FANCL: variants seen among roughly 807,000 people sequenced by gnomAD.
FANCL encodes the protein FA complementation group L.
Under a neutral mutation model 59.4 loss-of-function variants are expected in FANCL, and 69 were observed. The ratio of observed to expected loss-of-function variants is 1.16; its 90% CI spans 0.96 to 1.42. The LOEUF is 1.42. Ranked by LOEUF, FANCL falls within the 40% of genes most tolerant of loss-of-function variation. The pLI is 0.00. For missense variants in FANCL, 519 were observed against 447.2 expected (o/e 1.16, Z -1.45); for synonymous variants, 180 against 147.1 (o/e 1.22, Z -1.62).
chr2:58,211,057 G>A (rs371054266), intron 5 of FANCL, among the ~76,000 whole-genome samples: 2 of 152,272 alleles, frequency 1.3e-5, no homozygotes, highest in Non-Finnish European at 2.9e-5. Context: ...TACACTAGGC[G>A]GTGCCTCAGT....
chr2:58,226,894 C>G, intron 3 of FANCL, 110 bp from the exon 4 acceptor site: 2 of 858,534 alleles, frequency 2.3e-6, no homozygotes, highest in Non-Finnish European at 3.8e-6. Flanking sequence ...TTAGCTATAT[C>G]TACATCTGAA....
chr2:58,232,459 T>C (rs1693674996), intron 1 of FANCL, among the ~76,000 whole-genome samples: 1 of 151,798 alleles, frequency 6.6e-6, no homozygotes, highest in African/African-American at 2.4e-5. Flanking sequence ...AATAAATTTA[T>C]GAAAAAAGAA....
intron 5 of FANCL, among the ~76,000 whole-genome samples, chr2:58,212,573 A>G (rs909268999): frequency 1.3e-5 from 2 of 152,248 alleles, no homozygotes; most frequent in Non-Finnish European, 1.5e-5. Flanking sequence ...AAGCAAAAGT[A>G]TTTGGTACTT....
chr2:58,234,958 G>A (rs1693878614), intron 1 of FANCL, among the ~76,000 whole-genome samples: 1 of 151,934 alleles, frequency 6.6e-6, no homozygotes. Flanking sequence ...AGGCAGCGAG[G>A]ACAGTGATCC....
At chr2:58,180,263 A>T (rs909832189) in intron 7 of FANCL, among the ~76,000 whole-genome samples, 4 of 152,202 alleles carry the variant, frequency 2.6e-5, no homozygotes, top group African/African-American at 7.2e-5. Context: ...CTATAAAGAC[A>T]TGCATACATA....
chr2:58,233,639 A>G (rs1176256330), intron 1 of FANCL, among the ~76,000 whole-genome samples: 3 of 152,218 alleles, frequency 2.0e-5, no homozygotes, highest in Admixed American at 6.5e-5. Context: ...ACTTTCCAAT[A>G]GAACCTACTC....
intron 7 of FANCL, among the ~76,000 whole-genome samples, chr2:58,172,867 G>A (rs976837864): frequency 2.6e-5 from 4 of 152,102 alleles, no homozygotes; most frequent in Non-Finnish European, 5.9e-5. Flanking sequence ...CAAACCAAAG[G>A]CGAAGAAGCT....
intron 4 of FANCL, 22 bp from the exon 5 acceptor site, chr2:58,222,064 G>A: frequency 6.5e-7 from 1 of 1,549,718 alleles, no homozygotes; most frequent in Non-Finnish European, 8.9e-7. Context: ...AAGAAAACCT[G>A]AATTAGCTGT....
At chr2:58,219,875 T>C (rs1692299397) in intron 5 of FANCL, among the ~76,000 whole-genome samples, 1 of 152,136 alleles carries the variant, frequency 6.6e-6, no homozygotes, top group African/African-American at 2.4e-5. Flanking sequence ...TCATGGCTTC[T>C]CATAAAGATA....
intron 7 of FANCL, chr2:58,194,088 C>G: frequency 5.1e-6 from 2 of 395,948 alleles, no homozygotes; most frequent in South Asian, 3.7e-5. Flanking sequence ...TTCTTGCATT[C>G]ATGGCATTAT....
At chr2:58,172,063 G>A (rs574358359) in intron 7 of FANCL, among the ~76,000 whole-genome samples, 2 of 152,370 alleles carry the variant, frequency 1.3e-5, no homozygotes, top group Admixed American at 6.5e-5. Context: ...GCCCGCCATT[G>A]CCCAGGCTAG....
chr2:58,211,426 A>G (rs934187926), intron 5 of FANCL, among the ~76,000 whole-genome samples: 1 of 152,126 alleles, frequency 6.6e-6, no homozygotes, highest in Non-Finnish European at 1.5e-5. Context: ...CTACACCTCC[A>G]GGGCTGTTAT....
intron 1 of FANCL, among the ~76,000 whole-genome samples, chr2:58,239,876 A>G (rs898965472): frequency 6.6e-6 from 1 of 152,228 alleles, no homozygotes; most frequent in Non-Finnish European, 1.5e-5. Flanking sequence ...TATCCTTGCT[A>G]CTTTTCTGTA....
chr2:58,216,893 C>A (rs1308502194), intron 5 of FANCL, among the ~76,000 whole-genome samples: 1 of 151,648 alleles, frequency 6.6e-6, no homozygotes, highest in Non-Finnish European at 1.5e-5. Context: ...TCTCTACCAT[C>A]CTTCATGATT....
intron 5 of FANCL, among the ~76,000 whole-genome samples, chr2:58,205,851 G>A (rs967327224): frequency 6.6e-6 from 1 of 151,944 alleles, no homozygotes; most frequent in African/African-American, 2.4e-5. Context: ...AAAGGGGGAA[G>A]AAGAAACTTT....
chr2:58,159,917 G>C, intron 13 of FANCL, 117 bp from the exon 14 acceptor site: 5 of 1,539,770 alleles, frequency 3.2e-6, no homozygotes, highest in Non-Finnish European at 4.4e-6. Flanking sequence ...AAACACTTCT[G>C]AAGTTTCAGA....
At chr2:58,226,680 C>T in intron 4 of FANCL, 48 bp downstream of exon 4, 3 of 1,373,986 alleles carry the variant, frequency 2.2e-6, no homozygotes, top group Non-Finnish European at 3.1e-6. Flanking sequence ...AAAAAGAAAT[C>T]AAGACTTGCA....
At chr2:58,217,944 C>G (rs1036071980) in intron 5 of FANCL, among the ~76,000 whole-genome samples, 1 of 151,992 alleles carries the variant, frequency 6.6e-6, no homozygotes, top group Non-Finnish European at 1.5e-5. Flanking sequence ...TGACAAGGTG[C>G]TGGGTCATAA....
chr2:58,203,232 A>G (rs1427200638), intron 6 of FANCL, among the ~76,000 whole-genome samples: 2 of 151,920 alleles, frequency 1.3e-5, no homozygotes. Context: ...CCTGTCTGTT[A>G]TAGAACCACT....
Sources: gnomAD v4.1 joint callset for allele counts (sites outside exome capture counted in the v4.1 genomes callset) on GRCh38, gnomAD v4.1.1 for gene constraint, MANE v1.5 for transcripts, NCBI Gene and HGNC (gene_info 2026-07-23, HGNC 2026-07-21) for gene names.